RELN: variants seen among roughly 807,000 people sequenced by gnomAD.
RELN encodes the protein reelin.
Under a neutral mutation model 427.6 loss-of-function variants are expected in RELN, and 108 were observed. The observed-to-expected ratio is 0.25, with a 90% CI of 0.22 to 0.30. The LOEUF is 0.30. RELN is among the 10% of genes least tolerant of loss of function. The probability of loss-of-function intolerance (pLI) is 1.00; values close to 1 mark genes in which losing one functional copy is unlikely to be tolerated. For missense variants in RELN, 3,715 were observed against 4,302.8 expected, an observed-to-expected ratio of 0.86 and a Z score of 3.82; for synonymous variants, 1,524 against 1,513.4, an observed-to-expected ratio of 1.01 and a Z score of -0.16.
chr7:103,988,542 G>A lies in RELN; in HGVS notation c.226+589C>T, dbSNP rs1370797471. ...GACATATTAAATCACACTTTCAAAAGAATAGGGAGCTGGAAGCAGCCGCTC... is the reference window on the plus strand; with the variant it reads ...GACATATTAAATCACACTTTCAAAAAAATAGGGAGCTGGAAGCAGCCGCTC... On this transcript the variant is annotated intron_variant, in intron 1 of 64. Coordinates refer to ENST00000428762, the MANE Select transcript of RELN (RefSeq NM_005045.4). The surrounding 1 kb of genome is among the most constrained non-coding windows in gnomAD (Gnocchi z 4.9). 6.6e-6 allele frequency among the ~76,000 whole-genome samples: 1 copy of A among 152,208 alleles called. No individual in the cohort carries two copies. The highest frequency in any genetic ancestry group is 1.5e-5 in the Non-Finnish European group (1 of 68,046).
intron 1 of RELN, among the ~76,000 whole-genome samples, chr7:103,956,507 T>TA (rs1452035664): frequency 1.3e-4 from 20 of 152,168 alleles, no homozygotes; most frequent in African/African-American, 4.3e-4. Flanking sequence ...CTGGATATAA[T>TA]ACAAAAAAAT....
intron 3 of RELN, among the ~76,000 whole-genome samples, chr7:103,782,760 G>A (rs995902929): frequency 1.3e-5 from 2 of 152,116 alleles, no homozygotes; most frequent in Non-Finnish European, 2.9e-5. Flanking sequence ...AAATTCCCAA[G>A]TGTATTACTA....
At position 103,575,597 on chromosome 7, in the gene RELN, G is replaced by A. The variant is rs1485989465; in HGVS notation, c.4254C>T (p.Gly1418=). The A allele has an allele frequency of 1.2e-6, 2 of 1,613,908 alleles. No individual in the cohort carries two copies. The highest frequency in any genetic ancestry group is 1.7e-5 in the Admixed American group (1 of 59,990). ...ACACTCCTGAAATGCAGTCCCCATG[G>A]CCACTGCAGTAACTGGGACAAGGCT... ...ISEPCPSYCS[G]HGDCISGVCF... Residue 1418 remains glycine (G), a synonymous_variant, in exon 29 of 65, where the codon GGC becomes GGT. Coordinates refer to ENST00000428762, the MANE Select transcript of RELN (RefSeq NM_005045.4).
intron 2 of RELN, among the ~76,000 whole-genome samples, chr7:103,841,993 A>G (rs889260263): frequency 2.0e-5 from 3 of 152,164 alleles, no homozygotes; most frequent in Admixed American, 1.3e-4. Context: ...GGGCAAGTAC[A>G]TTAAAATTAT....
chr7:103,503,904 A>C (rs982344257), intron 51 of RELN, among the ~76,000 whole-genome samples: 5 of 151,246 alleles, frequency 3.3e-5, no homozygotes, highest in Admixed American at 6.6e-5. Flanking sequence ...AAAAAAAAAA[A>C]AAAAAAAAAA....
intron 2 of RELN, among the ~76,000 whole-genome samples, chr7:103,900,962 G>A (rs1018398932): frequency 1.2e-3 from 174 of 151,160 alleles, no homozygotes; most frequent in Non-Finnish European, 7.7e-4. Flanking sequence ...TCTTTGGGGT[G>A]AAAAAAAACT....
At chr7:103,866,284 C>G (rs1310584796) in intron 2 of RELN, among the ~76,000 whole-genome samples, 1 of 152,046 alleles carries the variant, frequency 6.6e-6, no homozygotes, top group Non-Finnish European at 1.5e-5. Context: ...AATACAACAA[C>G]AACAAAAACC....
At chr7:103,608,089 A>T (rs1340816409) in intron 22 of RELN, among the ~76,000 whole-genome samples, 1 of 152,226 alleles carries the variant, frequency 6.6e-6, no homozygotes, top group Non-Finnish European at 1.5e-5. Context: ...CATATGTTTA[A>T]ATCAAAACGG....
intron 2 of RELN, among the ~76,000 whole-genome samples, chr7:103,896,575 A>ATGT (rs1794965336): frequency 6.6e-6 from 1 of 152,118 alleles, no homozygotes; most frequent in Non-Finnish European, 1.5e-5. Flanking sequence ...GAATAAAACA[A>ATGT]AACAGAGATT....
intron 3 of RELN, 26 bp downstream of exon 3, chr7:103,833,511 G>A (rs768951055): frequency 2.2e-5 from 35 of 1,603,838 alleles, no homozygotes; most frequent in East Asian, 4.5e-5. Context: ...CCTTCTGTAC[G>A]TATGGCAGAC....
At chr7:103,562,643 G>C (rs761386659) in intron 34 of RELN, among the ~76,000 whole-genome samples, 1 of 152,198 alleles carries the variant, frequency 6.6e-6, no homozygotes, top group Non-Finnish European at 1.5e-5. Flanking sequence ...GTGTTTGTCT[G>C]TTATGTGGAA....
Position 103,753,893 on chromosome 7 carries a change from AT to A in RELN, c.545-680del, listed in dbSNP as rs370036655. Among the ~76,000 whole-genome samples the A allele has an allele frequency of 1.3e-3, 205 of 152,358 alleles. 1 individual carries two copies. The highest frequency in any genetic ancestry group is 4.8e-3 in the African/African-American group (199 of 41,590). On this transcript the variant is annotated intron_variant, in intron 4 of 64. Coordinates refer to ENST00000428762, the MANE Select transcript of RELN (RefSeq NM_005045.4). The stretch of plus-strand genomic sequence containing the variant: ...TTAATAATACTATGCTGACACAAGA[AT>A]AATACTTGGACATAGTTTTGAAACT...
At chr7:103,545,967 TA>T (rs1421448437) in intron 41 of RELN, among the ~76,000 whole-genome samples, 1 of 151,748 alleles carries the variant, frequency 6.6e-6, no homozygotes, top group East Asian at 1.9e-4. Context: ...TCTGTATAAC[TA>T]ACCTTTTTTA....
chr7:103,952,915 T>A (rs1234340755), intron 1 of RELN, among the ~76,000 whole-genome samples: 1 of 152,216 alleles, frequency 6.6e-6, no homozygotes, highest in South Asian at 2.1e-4. Context: ...AAAACGGTAT[T>A]TTAACATGGA....
At chr7:103,845,906 GGATA>G (rs60735094) in intron 2 of RELN, among the ~76,000 whole-genome samples, 21,319 of 151,998 alleles carry the variant, frequency 0.14, 1,669 homozygotes, top group East Asian at 0.29. Flanking sequence ...CCACGCTCAT[GGATA>G]GAAAGAATCA....
At chr7:103,665,786 T>C (rs1833252025) in intron 11 of RELN, among the ~76,000 whole-genome samples, 1 of 152,138 alleles carries the variant, frequency 6.6e-6, no homozygotes, top group South Asian at 2.1e-4. Flanking sequence ...TCACTATCTT[T>C]TCAAATATTA....
chr7:103,480,805 A>T (rs1220775073), intron 63 of RELN, among the ~76,000 whole-genome samples: 2 of 152,232 alleles, frequency 1.3e-5, no homozygotes. Context: ...TTCAAAGCAT[A>T]CAACACCATG....
At chr7:103,787,111 C>T (rs561368441) in intron 3 of RELN, among the ~76,000 whole-genome samples, 4 of 152,026 alleles carry the variant, frequency 2.6e-5, no homozygotes, top group East Asian at 1.9e-4. Context: ...GGGTAAATAA[C>T]GAAATTAAGG....
intron 17 of RELN, among the ~76,000 whole-genome samples, chr7:103,637,071 C>A (rs1832599383): frequency 6.6e-6 from 1 of 152,094 alleles, no homozygotes; most frequent in African/African-American, 2.4e-5. Flanking sequence ...AAAAACAAAC[C>A]TTTCCCCACT....
Sources: gnomAD v4.1 joint callset for allele counts (sites outside exome capture counted in the v4.1 genomes callset) on GRCh38, gnomAD v4.1.1 for gene constraint, Gnocchi (gnomAD v3.1) non-coding constraint, MANE v1.5 for transcripts, NCBI Gene and HGNC (gene_info 2026-07-23, HGNC 2026-07-21) for gene names.